YARS1: variants seen among roughly 807,000 people sequenced by gnomAD.
YARS1 encodes the protein tyrosyl-tRNA synthetase 1.
A neutral mutation model predicts 62.2 loss-of-function variants in YARS1; 36 were observed. That is an observed-to-expected ratio of 0.58 (90% CI 0.44 to 0.76). YARS1 has a LOEUF of 0.76. Among genes scored for constraint, YARS1 ranks in the 30% least tolerant of loss-of-function variants. YARS1 has a pLI of 0.00. For synonymous variants in YARS1, 234 were observed against 244.9 expected, an observed-to-expected ratio of 0.96 and a Z score of 0.42; for missense variants, 524 against 639.8, an observed-to-expected ratio of 0.82 and a Z score of 1.95.
intron 12 of YARS1, among the ~76,000 whole-genome samples, chr1:32,778,673 C>T (rs888444954): frequency 3.2e-4 from 49 of 151,252 alleles, no homozygotes; most frequent in African/African-American, 1.2e-3. Context: ...TCCCAAAGTG[C>T]TGGAATTACA....
At chr1:32,800,920 A>G (rs1468336726) in intron 4 of YARS1, among the ~76,000 whole-genome samples, 12 of 152,220 alleles carry the variant, frequency 7.9e-5, no homozygotes, top group African/African-American at 2.7e-4. Context: ...ATATATGTGC[A>G]CACAAAGGAA....
intron 11 of YARS1, chr1:32,779,817 C>T (rs1426496677): frequency 3.3e-5 from 20 of 606,416 alleles, no homozygotes; most frequent in Admixed American, 2.9e-4. Context: ...GATTTGAATC[C>T]CTGCTCCACT....
chr1:32,804,170 CTCTT>C (rs1638383002), intron 4 of YARS1, among the ~76,000 whole-genome samples: 4 of 152,252 alleles, frequency 2.6e-5, no homozygotes, highest in Admixed American at 2.0e-4. Flanking sequence ...AATCTGATCT[CTCTT>C]TCTTTTCCCC....
At chr1:32,806,003 C>T (rs573393481) in intron 4 of YARS1, among the ~76,000 whole-genome samples, 15 of 152,118 alleles carry the variant, frequency 9.9e-5, no homozygotes, top group African/African-American at 3.1e-4. Context: ...TGTGACTCTC[C>T]CTTTCAACAC....
At chr1:32,782,974 C>T (rs1030627991) in intron 8 of YARS1, 5 of 199,298 alleles carry the variant, frequency 2.5e-5, no homozygotes, top group Non-Finnish European at 5.2e-5. Context: ...TAGCTGTGTG[C>T]GACTCCAAAC....
At position 32,775,459 on chromosome 1, in the gene YARS1, C is replaced by T. The variant is rs1471271189; in HGVS notation, c.*522G>A. On this transcript the variant is annotated 3_prime_UTR_variant, in exon 13 of 13. Transcript: ENST00000373477. ...GCAGGCCCTGGCCCCCAGTGCCAAG[C>T]CTCAGAGTAAGCAGACATTGGGAAA... 6.3e-6 allele frequency: 1 copy of T among 159,588 alleles called. No individual in the cohort carries two copies. The highest frequency in any genetic ancestry group is 1.8e-4 in the East Asian group (1 of 5,566). 9.9% of individuals were successfully genotyped at this position (159,588 alleles called of 1,614,324 possible).
At chr1:32,793,645 A>C (rs941116312) in intron 5 of YARS1, among the ~76,000 whole-genome samples, 1 of 152,190 alleles carries the variant, frequency 6.6e-6, no homozygotes, top group Non-Finnish European at 1.5e-5. Context: ...TCTCAAAGAA[A>C]ACAACAACAA....
intron 6 of YARS1, among the ~76,000 whole-genome samples, chr1:32,788,396 G>A (rs937288566): frequency 1.3e-5 from 2 of 152,078 alleles, no homozygotes; most frequent in African/African-American, 2.4e-5. Flanking sequence ...GACTACAGGT[G>A]TACAAAACCA....
At position 32,817,268 on chromosome 1, in the gene YARS1, C is replaced by A. The variant is rs1440177141; in HGVS notation, c.-24G>T. The A allele has an allele frequency of 3.1e-6, 5 of 1,613,686 alleles. No homozygotes were observed. The highest frequency in any genetic ancestry group is 4.2e-6 in the Non-Finnish European group (5 of 1,179,926). On this transcript the variant is annotated 5_prime_UTR_variant, in exon 1 of 13. Coordinates refer to ENST00000373477, the MANE Select transcript of YARS1 (RefSeq NM_003680.4). ...ATGGCTCCGCTACCCCTGCTTCCCC[C>A]GCTCAGCCCGGCACCAGAGCCCCTT... is the stretch of plus-strand genomic sequence containing the variant.
chr1:32,800,386 T>C (rs918242221), intron 4 of YARS1, among the ~76,000 whole-genome samples: 1 of 152,086 alleles, frequency 6.6e-6, no homozygotes, highest in African/African-American at 2.4e-5. Context: ...ACGCCTGCAA[T>C]TTCAGCACTT....
At chr1:32,780,490 A>T (rs1653017107) in intron 10 of YARS1, 2 of 599,956 alleles carry the variant, frequency 3.3e-6, no homozygotes, top group Admixed American at 2.8e-5. Flanking sequence ...GATTTGAGTA[A>T]AGTGGACCTA....
chr1:32,805,121 G>C lies in YARS1; in HGVS notation c.510+1361C>G, dbSNP rs558972788. On this transcript the variant is annotated intron_variant, in intron 4 of 12. Coordinates refer to ENST00000373477, the MANE Select transcript of YARS1 (RefSeq NM_003680.4). ...CACGCGCCTGCAATCCCAGGCACTCGGCAGGCTGAGGCAGGAGAATCAGGC... is the reference window on the plus strand; with the variant it reads ...CACGCGCCTGCAATCCCAGGCACTCCGCAGGCTGAGGCAGGAGAATCAGGC... Among the ~76,000 whole-genome samples, 4 of 151,924 alleles carry C rather than the reference G, an allele frequency of 2.6e-5. No homozygotes were observed. In the South Asian group the frequency reaches 6.3e-4, roughly 24 times the overall value.
intron 12 of YARS1, among the ~76,000 whole-genome samples, chr1:32,778,415 C>CG (rs1457005644): frequency 1.0e-4 from 10 of 100,216 alleles, no homozygotes; most frequent in Admixed American, 9.6e-4. Context: ...TTCTTTCTTT[C>CG]ATTTTTTTTT....
At chr1:32,802,517 A>G (rs546143042) in intron 4 of YARS1, among the ~76,000 whole-genome samples, 139 of 152,270 alleles carry the variant, frequency 9.1e-4, no homozygotes, top group African/African-American at 3.2e-3. Context: ...CTTAAATAGT[A>G]GGACTTGAAA....
rs532734575 is a variant in YARS1, at chr1:32,775,555, T to C, written c.*426A>G. The C allele has an allele frequency of 1.1e-5, 2 of 179,570 alleles. No homozygotes were observed. Among genetic ancestry groups the C allele is most frequent in the South Asian group, 2.6e-4 (2 of 7,766 alleles). 11.1% of individuals were successfully genotyped at this position (179,570 alleles called of 1,614,324 possible). On this transcript the variant is annotated 3_prime_UTR_variant, in exon 13 of 13. Transcript: ENST00000373477. ...CCTTTCCTTTTCAAATCCCACAGTTTCCTGTTGGGGAGAAGCTGTAATTAG... is the reference window on the plus strand; with the variant it reads ...CCTTTCCTTTTCAAATCCCACAGTTCCCTGTTGGGGAGAAGCTGTAATTAG...
chr1:32,801,521 G>A lies in YARS1; in HGVS notation c.511-3678C>T, dbSNP rs141973705. Among the ~76,000 whole-genome samples the A allele has an allele frequency of 2.7e-3, 412 of 152,254 alleles. 4 individuals carry two copies. Among genetic ancestry groups the A allele is most frequent in the African/African-American group, 9.5e-3 (394 of 41,556 alleles). ...GGAGGGTCTTGCCTCCATGTCTGATGGCTGCTGACTGATCAGGGTGGTGGT... is the reference window on the plus strand; with the variant it reads ...GGAGGGTCTTGCCTCCATGTCTGATAGCTGCTGACTGATCAGGGTGGTGGT... On this transcript the variant is annotated intron_variant, in intron 4 of 12. Transcript: ENST00000373477.
intron 7 of YARS1, 52 bp from the exon 8 acceptor site, chr1:32,786,499 CACAT>C: frequency 1.9e-6 from 2 of 1,053,060 alleles, no homozygotes; most frequent in South Asian, 3.9e-5. Flanking sequence ...ATTCCTAGCT[CACAT>C]GCATGACTAT....
In YARS1 at chr1:32,798,166, C is replaced by A. The variant is rs1250244845; in HGVS notation, c.511-323G>T. The A allele has an allele frequency of 5.4e-5, 19 of 351,082 alleles. No homozygotes were observed. In the Admixed American group the frequency reaches 7.7e-4, roughly 14 times the overall value. The allele number at this position is 351,082 out of a possible 1,614,324, so 21.7% of individuals were successfully genotyped here. A position where few individuals can be genotyped will look rare whatever the true frequency, so the allele number is the denominator to read the frequency against. On this transcript the variant is annotated intron_variant, in intron 4 of 12. Transcript: ENST00000373477. The stretch of plus-strand genomic sequence containing the variant: ...GGATTACAGGCGAGAGCCACCATGC[C>A]CAGCCTAAACATCTACTTTATTTCT...
intron 9 of YARS1, chr1:32,781,658 G>A (rs1653061484): frequency 1.2e-5 from 2 of 171,978 alleles, no homozygotes; most frequent in Admixed American, 5.6e-5. Context: ...ACAAGTGGAT[G>A]GCCAACTAAG....
Sources: gnomAD v4.1 joint callset for allele counts (sites outside exome capture counted in the v4.1 genomes callset) on GRCh38, gnomAD v4.1.1 for gene constraint, MANE v1.5 for transcripts, NCBI Gene and HGNC (gene_info 2026-07-23, HGNC 2026-07-21) for gene names.